ZC3H12B: variants seen among roughly 807,000 people sequenced by gnomAD.
The protein encoded by ZC3H12B is zinc finger CCCH-type containing 12B.
Under a neutral mutation model 43.9 loss-of-function variants are expected in ZC3H12B, and 7 were observed. The observed-to-expected ratio is 0.16, with a 90% CI of 0.09 to 0.30. The LOEUF (loss-of-function observed/expected upper bound fraction) is 0.30. Ranked by LOEUF, ZC3H12B falls within the 10% of genes least tolerant of loss-of-function variation. The probability of loss-of-function intolerance (pLI) is 1.00; values close to 1 mark genes in which losing one functional copy is unlikely to be tolerated. For synonymous variants in ZC3H12B, 222 were observed against 241.7 expected, an observed-to-expected ratio of 0.92 and a Z score of 0.76; for missense variants, 475 against 670.2, an observed-to-expected ratio of 0.71 and a Z score of 3.22.
the ZC3H12B span, among the ~76,000 whole-genome samples, chrX:65,142,781 T>C: frequency 3.6e-5 from 4 of 112,563 alleles, no homozygotes; most frequent in South Asian, 1.4e-3. Context: ...TGGGTGTTTG[T>C]TCACTTTGTC....
chrX:65,321,764 C>T, the ZC3H12B span, among the ~76,000 whole-genome samples: 1 of 110,133 alleles, frequency 9.1e-6, no homozygotes, highest in East Asian at 2.9e-4. Context: ...GAGCTGTATG[C>T]CATTATCCTT....
the ZC3H12B span, among the ~76,000 whole-genome samples, chrX:65,132,300 T>C: frequency 2.7e-5 from 3 of 110,727 alleles, no homozygotes; most frequent in East Asian, 8.6e-4. Flanking sequence ...AATGGGAGAA[T>C]TGTAAGGAGA....
the ZC3H12B span, among the ~76,000 whole-genome samples, chrX:65,279,889 A>T: frequency 8.9e-6 from 1 of 111,931 alleles, no homozygotes; most frequent in Non-Finnish European, 1.9e-5. Flanking sequence ...AAAACAAACA[A>T]CCCCAATAAA....
At chrX:65,389,400 T>C (rs909144912) in intron 2 of ZC3H12B, among the ~76,000 whole-genome samples, 1 of 112,539 alleles carries the variant, frequency 8.9e-6, no homozygotes, top group East Asian at 2.8e-4. Flanking sequence ...GTGCTAGCAG[T>C]GAGCGGGGCT....
chrX:65,382,117 C>T (rs761566654), intron 2 of ZC3H12B, among the ~76,000 whole-genome samples: 1 of 111,764 alleles, frequency 8.9e-6, no homozygotes, highest in South Asian at 3.8e-4. Context: ...CCAGCATCAT[C>T]CTGATACCAA....
At chrX:65,120,782 G>T in the ZC3H12B span, among the ~76,000 whole-genome samples, 5 of 111,108 alleles carry the variant, frequency 4.5e-5, no homozygotes, top group African/African-American at 1.6e-4. Flanking sequence ...ATTCACTGTG[G>T]GTTTGTCATA....
At chrX:65,436,949 A>G (rs1396250262) in intron 3 of ZC3H12B, among the ~76,000 whole-genome samples, 1 of 109,500 alleles carries the variant, frequency 9.1e-6, no homozygotes, top group Admixed American at 9.8e-5. Context: ...TATTATTATT[A>G]TTATTGTTAT....
At chrX:65,158,821 G>T in the ZC3H12B span, among the ~76,000 whole-genome samples, 10 of 111,724 alleles carry the variant, frequency 9.0e-5, no homozygotes, top group Non-Finnish European at 1.7e-4. Flanking sequence ...CATTGCTTTT[G>T]GTGTTTTAGA....
At chrX:65,362,242 T>C (rs1005452386), upstream of ZC3H12B, among the ~76,000 whole-genome samples, 4 of 111,542 alleles carry the variant, frequency 3.6e-5, 1 homozygote, top group African/African-American at 1.3e-4. Flanking sequence ...ACTCTTACAG[T>C]GGAGGGTAAG....
At chrX:65,454,754 T>C (rs12008241) in intron 3 of ZC3H12B, among the ~76,000 whole-genome samples, 24,960 of 110,626 alleles carry the variant, frequency 0.23, 6,903 homozygotes, top group African/African-American at 0.78. Flanking sequence ...ACACCTCACA[T>C]GGCCGGGTAC....
At chrX:65,485,467 G>C (rs2068113130), upstream of ZC3H12B, among the ~76,000 whole-genome samples, 1 of 112,229 alleles carries the variant, frequency 8.9e-6, no homozygotes, top group South Asian at 3.7e-4. Flanking sequence ...ATGTTGCCCA[G>C]GCTGGTCTCA....
the ZC3H12B span, chrX:65,327,977 G>A: frequency 8.6e-5 from 17 of 198,285 alleles, no homozygotes; most frequent in Non-Finnish European, 1.4e-4. Context: ...ATAACTGAGT[G>A]ATAGTGCCTC....
At chrX:65,378,618 G>A (rs903730420) in intron 2 of ZC3H12B, among the ~76,000 whole-genome samples, 2 of 112,287 alleles carry the variant, frequency 1.8e-5, no homozygotes, top group Admixed American at 9.4e-5. Context: ...CAAGATGGCC[G>A]AATAGGAACA....
At chrX:65,229,770 A>G in the ZC3H12B span, among the ~76,000 whole-genome samples, 1 of 105,566 alleles carries the variant, frequency 9.5e-6, no homozygotes, top group Admixed American at 1.0e-4. Flanking sequence ...TGCAGCCAAA[A>G]AACACATGAA....
At chrX:65,202,137 T>TCTATAATGTATATTATATGTA in the ZC3H12B span, among the ~76,000 whole-genome samples, 13 of 74,742 alleles carry the variant, frequency 1.7e-4, 1 homozygote, top group African/African-American at 1.7e-3. Context: ...ATATATATTT[T>TCTATAATGTATATTATATGTA]ATATAATATG....
intron 2 of ZC3H12B, among the ~76,000 whole-genome samples, chrX:65,382,881 G>C (rs1239224969): frequency 9.0e-6 from 1 of 110,776 alleles, no homozygotes; most frequent in Non-Finnish European, 1.9e-5. Context: ...AAATACCTAG[G>C]AATCCAACTT....
At chrX:65,191,521 G>T in the ZC3H12B span, among the ~76,000 whole-genome samples, 1 of 101,645 alleles carries the variant, frequency 9.8e-6, no homozygotes. Flanking sequence ...TCCTGGTTTA[G>T]TCTTGGGAGA....
the ZC3H12B span, among the ~76,000 whole-genome samples, chrX:65,226,308 G>C: frequency 9.0e-6 from 1 of 111,179 alleles, no homozygotes; most frequent in Non-Finnish European, 1.9e-5. Flanking sequence ...ATCCTTTACA[G>C]ACAAGCAAAT....
At chrX:65,040,589 T>A in the ZC3H12B span, among the ~76,000 whole-genome samples, 1 of 110,523 alleles carries the variant, frequency 9.0e-6, no homozygotes, top group African/African-American at 3.3e-5. Flanking sequence ...GAATTTTAGA[T>A]TTTTTTTATG....
Sources: allele counts gnomAD v4.1 joint callset (sites outside exome capture counted in the v4.1 genomes callset), GRCh38; gene constraint gnomAD v4.1.1; transcripts MANE v1.5; gene names NCBI Gene and HGNC (gene_info 2026-07-23, HGNC 2026-07-21).